The following PHF21A variants were observed in gnomAD, a reference collection of about 807,000 sequenced individuals.
The protein encoded by PHF21A is PHD finger protein 21A, also known as BHC80a.
PHF21A carries 11 observed loss-of-function variants against 82.5 expected under a neutral mutation model. The observed-to-expected ratio is 0.13, with a 90% CI of 0.08 to 0.22. The LOEUF is 0.22. Among genes scored for constraint, PHF21A ranks in the 10% least tolerant of loss-of-function variants. The pLI is 1.00. For synonymous variants in PHF21A, 297 were observed against 302.8 expected (o/e 0.98, Z 0.20); for missense variants, 579 against 837.8 (o/e 0.69, Z 3.81).
intron 6 of PHF21A, among the ~76,000 whole-genome samples, chr11:46,006,281 A>G (rs2095292403): frequency 6.6e-6 from 1 of 152,240 alleles, no homozygotes; most frequent in South Asian, 2.1e-4. Flanking sequence ...CCAAACAAGA[A>G]TTATTTTAAT....
chr11:46,015,573 A>AT (rs2095500290), intron 6 of PHF21A, among the ~76,000 whole-genome samples: 1 of 152,136 alleles, frequency 6.6e-6, no homozygotes, highest in Non-Finnish European at 1.5e-5. Flanking sequence ...ACTCTTTGTA[A>AT]TAACAGCTTA....
At chr11:46,029,087 A>T (rs559461388) in intron 6 of PHF21A, among the ~76,000 whole-genome samples, 3 of 152,306 alleles carry the variant, frequency 2.0e-5, no homozygotes, top group Admixed American at 2.0e-4. Context: ...CTTGCAAAAG[A>T]GTGTTATCTG....
chr11:46,090,327 G>A (rs2096909388), intron 3 of PHF21A, 128 bp downstream of exon 3: 1 of 152,116 alleles, frequency 6.6e-6, no homozygotes, highest in Non-Finnish European at 1.5e-5. Context: ...AATGCAAGTG[G>A]GTGTGGTAGT....
chr11:46,099,523 G>GACACACACAC (rs71038882), intron 1 of PHF21A, among the ~76,000 whole-genome samples: 10,168 of 137,536 alleles, frequency 0.074, 485 homozygotes, highest in South Asian at 0.095. Context: ...AGAAAAATTA[G>GACACACACAC]ACACACACAC....
chr11:46,071,107 C>G (rs375136947), intron 6 of PHF21A, among the ~76,000 whole-genome samples: 35 of 152,206 alleles, frequency 2.3e-4, no homozygotes, highest in African/African-American at 8.2e-4. Context: ...ATTATACATT[C>G]ACACCCTTTG....
At chr11:45,989,490 T>TGA (rs1481953558) in intron 6 of PHF21A, among the ~76,000 whole-genome samples, 1 of 100,934 alleles carries the variant, frequency 9.9e-6, no homozygotes, top group Non-Finnish European at 1.9e-5. Flanking sequence ...CCATCTCTAC[T>TGA]AAAAAAAAAA....
intron 6 of PHF21A, among the ~76,000 whole-genome samples, chr11:46,013,067 C>G (rs187401648): frequency 3.9e-5 from 6 of 152,256 alleles, no homozygotes; most frequent in Admixed American, 6.5e-5. Context: ...TATATATTCA[C>G]ACCTATGATA....
chr11:45,978,959 T>C (rs1281272551), intron 7 of PHF21A, among the ~76,000 whole-genome samples: 1 of 152,148 alleles, frequency 6.6e-6, no homozygotes, highest in East Asian at 1.9e-4. Flanking sequence ...ACAAATACAT[T>C]TTCTTATAAA....
At chr11:46,084,083 T>C (rs1004681448) in intron 4 of PHF21A, 83 bp downstream of exon 4, 33 of 1,017,828 alleles carry the variant, frequency 3.2e-5, no homozygotes, top group Non-Finnish European at 3.8e-5. Context: ...TTAAAAACTA[T>C]ACTAAACACC....
At chr11:45,957,751 C>CAAAAAAAAAAAAAA in intron 10 of PHF21A, among the ~76,000 whole-genome samples, 8 of 60,910 alleles carry the variant, frequency 1.3e-4, no homozygotes, top group African/African-American at 1.8e-4. Flanking sequence ...AAATTCAAAG[C>CAAAAAAAAAAAAAA]AAAAAAAAAA....
At chr11:45,934,793 G>A (rs1357753465) in intron 18 of PHF21A, 3 of 349,882 alleles carry the variant, frequency 8.6e-6, no homozygotes, top group Non-Finnish European at 1.7e-5. Context: ...CTCAGCCGGG[G>A]ACTTAGAGTC....
At chr11:46,066,900 C>T (rs2096600801) in intron 6 of PHF21A, among the ~76,000 whole-genome samples, 1 of 152,106 alleles carries the variant, frequency 6.6e-6, no homozygotes, top group Admixed American at 6.6e-5. Flanking sequence ...AATACAAACA[C>T]AGTTTTTTAG....
In PHF21A at chr11:45,965,558, T is replaced by C. The variant is rs201084175; in HGVS notation, c.753A>G (p.Pro251=). 2.4e-4 allele frequency: 375 copies of C among 1,588,586 alleles called. 4 individuals are homozygous for C. Among genetic ancestry groups the C allele is most frequent in the Non-Finnish European group, 4.7e-5 (55 of 1,165,510 alleles). ...AQNNIPIAPA[P]PPMLAAPQLI... is the part of the protein sequence containing the mutation. The stretch of plus-strand genomic sequence containing the variant: ...GCTGAGGAGCTGCGAGCATGGGAGG[T>C]GGTGCTGGGGCAATAGGAATGTTAT... Residue 251 remains proline, a synonymous_variant, in exon 10 of 19, where the codon CCA becomes CCG. Transcript: ENST00000676320.
In PHF21A at chr11:45,932,454, G is replaced by T. The variant is rs990670276; in HGVS notation, c.*1514C>A. The T allele has an allele frequency of 6.6e-6, 1 of 152,176 alleles. No homozygotes were observed. The highest frequency in any genetic ancestry group is 1.5e-5 in the Non-Finnish European group (1 of 68,028). 9.4% of individuals were successfully genotyped at this position (152,176 alleles called of 1,614,324 possible). A position where few individuals can be genotyped will look rare whatever the true frequency, so the allele number is the denominator to read the frequency against. ...AGGAGAGAGAAGGGTGGGGAGCTCC[G>T]CCTCTGTCCTTCAAGGAGACTGGCC... On this transcript the variant is annotated 3_prime_UTR_variant, in exon 19 of 19. Transcript: ENST00000676320. The surrounding 1 kb of genome is among the most constrained non-coding windows in gnomAD (Gnocchi z 4.3).
intron 6 of PHF21A, among the ~76,000 whole-genome samples, chr11:46,028,571 CTT>C (rs869035139): frequency 3.7e-4 from 39 of 106,306 alleles, no homozygotes; most frequent in Admixed American, 1.9e-3. Context: ...AAAAGCTTGC[CTT>C]TTTTTTTTTT....
At chr11:45,935,915 G>A (rs375764745) in intron 17 of PHF21A, among the ~76,000 whole-genome samples, 176 bp from the exon 18 acceptor site, 3 of 152,278 alleles carry the variant, frequency 2.0e-5, no homozygotes, top group East Asian at 3.9e-4. Context: ...TGTACAGTAT[G>A]CTAAAACTGT....
chr11:46,000,001 T>A (rs1280250822), intron 6 of PHF21A, among the ~76,000 whole-genome samples: 1 of 152,198 alleles, frequency 6.6e-6, no homozygotes, highest in Non-Finnish European at 1.5e-5. Context: ...CTAGTCTTTT[T>A]AAACAACATT....
chr11:45,936,084 C>T (rs1349171014), intron 17 of PHF21A, among the ~76,000 whole-genome samples: 1 of 152,110 alleles, frequency 6.6e-6, no homozygotes, highest in Admixed American at 6.5e-5. Flanking sequence ...TTGAGACCAG[C>T]CTGGGTGACA....
chr11:46,097,459 A>G (rs1301169890), intron 1 of PHF21A, among the ~76,000 whole-genome samples: 2 of 152,114 alleles, frequency 1.3e-5, no homozygotes, highest in Non-Finnish European at 2.9e-5. Context: ...TTTTCCTCCA[A>G]ATATCTTCAT....
Sources: allele counts gnomAD v4.1 joint callset (sites outside exome capture counted in the v4.1 genomes callset), GRCh38; gene constraint gnomAD v4.1.1; non-coding constraint Gnocchi (gnomAD v3.1); transcripts MANE v1.5; gene names NCBI Gene and HGNC (gene_info 2026-07-23, HGNC 2026-07-21).